The following RTTN variants were observed in gnomAD, a reference collection of about 807,000 sequenced individuals.
The protein encoded by RTTN is rotatin.
Under a neutral mutation model 269.2 loss-of-function variants are expected in RTTN, and 182 were observed. The observed-to-expected ratio is 0.68, with a 90% CI of 0.60 to 0.76. The LOEUF is 0.76. Ranked by LOEUF, RTTN falls within the 30% of genes least tolerant of loss-of-function variation. RTTN has a pLI of 0.00. For missense variants in RTTN, 2,545 were observed against 2,608.6 expected (o/e 0.98, Z 0.53); for synonymous variants, 1,006 against 963.5 (o/e 1.04, Z -0.82).
At chr18:70,027,331 T>C (rs930538609) in intron 43 of RTTN, among the ~76,000 whole-genome samples, 1 of 152,166 alleles carries the variant, frequency 6.6e-6, no homozygotes, top group African/African-American at 2.4e-5. Context: ...AAAGCTGAAA[T>C]TGAAATTAAC....
intron 8 of RTTN, 67 bp downstream of exon 8, chr18:70,193,221 C>A: frequency 1.2e-5 from 14 of 1,184,940 alleles, no homozygotes; most frequent in Non-Finnish European, 1.4e-5. Context: ...TTATCTCCTT[C>A]TGAAATTAAC....
chr18:70,068,858 G>T (rs2058219042), intron 34 of RTTN, among the ~76,000 whole-genome samples: 1 of 152,012 alleles, frequency 6.6e-6, no homozygotes, highest in South Asian at 2.1e-4. Context: ...CCCTCGGTAA[G>T]ACAAAAAAAT....
chr18:70,006,255 A>T (rs2056182783), intron 47 of RTTN, 126 bp downstream of exon 47: 2 of 638,676 alleles, frequency 3.1e-6, no homozygotes, highest in Admixed American at 5.7e-5. Flanking sequence ...GGGAACATGG[A>T]TCTTTGATTT....
chr18:70,140,284 CA>C (rs1183002403), intron 19 of RTTN, 96 bp from the exon 20 acceptor site: 4 of 683,604 alleles, frequency 5.9e-6, no homozygotes, highest in Non-Finnish European at 1.0e-5. Flanking sequence ...ACACAACCTT[CA>C]AACTATTAAA....
At chr18:70,063,931 C>G (rs1195205447) in intron 35 of RTTN, among the ~76,000 whole-genome samples, 1 of 149,074 alleles carries the variant, frequency 6.7e-6, no homozygotes, top group Non-Finnish European at 1.5e-5. Context: ...CTGTTCATGC[C>G]TCCCCTTTCT....
intron 4 of RTTN, 91 bp downstream of exon 4, chr18:70,201,803 T>C: frequency 4.1e-6 from 3 of 738,182 alleles, no homozygotes; most frequent in Non-Finnish European, 6.9e-6. Context: ...ACATTCAAGT[T>C]TGGTAAAAAT....
chr18:70,145,739 C>T lies in RTTN; in HGVS notation c.2354G>A (p.Ser785Asn). The T allele has an allele frequency of 6.2e-7, 1 of 1,613,276 alleles. No individual in the cohort carries two copies. The highest frequency in any genetic ancestry group is 2.2e-5 in the East Asian group (1 of 44,854). The change falls in exon 18 of 49, where the codon AGT becomes AAT. Residue 785 changes from serine to asparagine, a missense_variant. Transcript: ENST00000640769. Reference protein sequence around the residue: ...ALKLLAFHLTSEEGADTKRPL... With the variant: ...ALKLLAFHLTNEEGADTKRPL... ...ACGCTTTGTATCAGCCCCTTCTTCA[C>T]TGGTAAGATGGAATGCTAAAAGCTT...
chr18:70,160,335 C>A (rs2060793548), intron 14 of RTTN, among the ~76,000 whole-genome samples: 3 of 148,538 alleles, frequency 2.0e-5, no homozygotes, highest in African/African-American at 7.3e-5. Flanking sequence ...AGAAAAACCA[C>A]ATGATCATCT....
At chr18:70,017,300 G>T in intron 46 of RTTN, 107 bp downstream of exon 46, 1 of 1,082,108 alleles carries the variant, frequency 9.2e-7, no homozygotes. Context: ...TGAACACAGT[G>T]GGTGCTTAAT....
intron 32 of RTTN, among the ~76,000 whole-genome samples, chr18:70,081,900 C>G (rs534052042): frequency 3.3e-5 from 5 of 151,894 alleles, no homozygotes; most frequent in African/African-American, 7.3e-5. Flanking sequence ...GAAATCCACA[C>G]TTAAGTGTTC....
chr18:70,052,824 A>G (rs1007596991), intron 38 of RTTN, among the ~76,000 whole-genome samples: 1 of 152,064 alleles, frequency 6.6e-6, no homozygotes, highest in Non-Finnish European at 1.5e-5. Flanking sequence ...GCTAGATATG[A>G]GAAAACAATT....
intron 2 of RTTN, 148 bp from the exon 3 acceptor site, chr18:70,204,411 TTCCA>T: frequency 1.5e-6 from 1 of 672,216 alleles, no homozygotes; most frequent in Non-Finnish European, 2.5e-6. Context: ...AGTAAGGCAC[TTCCA>T]TGAGGAGCAC....
intron 28 of RTTN, 76 bp downstream of exon 28, chr18:70,109,422 G>A (rs1000573635): frequency 1.5e-5 from 15 of 1,004,672 alleles, no homozygotes; most frequent in Middle Eastern, 2.2e-4. Context: ...ATAGAGTAAC[G>A]TATAATGCAC....
chr18:70,029,025 A>C (rs1189640560), intron 42 of RTTN, among the ~76,000 whole-genome samples: 1 of 152,190 alleles, frequency 6.6e-6, no homozygotes, highest in East Asian at 1.9e-4. Context: ...TCTATCAAGC[A>C]TGGAGGAACT....
chr18:70,020,878 A>G (rs888505957), intron 44 of RTTN, 61 bp from the exon 45 acceptor site: 4 of 1,386,174 alleles, frequency 2.9e-6, no homozygotes, highest in African/African-American at 2.9e-5. Flanking sequence ...TTTTGAAGAC[A>G]CTAAGTGGCA....
chr18:70,127,741 T>A lies in RTTN; in HGVS notation c.3144A>T (p.Glu1048Asp). Residue 1048 changes from glutamate to aspartate, a missense_variant and splice_region_variant, in exon 25 of 49, where the codon GAA (glutamate) becomes GAT (aspartate). Coordinates refer to ENST00000640769, the MANE Select transcript of RTTN (RefSeq NM_173630.4). ...TAGATAACTTCAATGCATCTAAAAT[T>A]CTAGACAAAAAGAAAAAAAATGAAG... ...KQMNSETKTQ[E>D]ILDALKLSTE... 6.2e-7 allele frequency: 1 copy of A among 1,604,908 alleles called. No individual in the cohort carries two copies. Among genetic ancestry groups the A allele is most frequent in the Non-Finnish European group, 8.5e-7 (1 of 1,174,306 alleles).
chr18:70,059,128 G>T (rs1440171992), intron 36 of RTTN, among the ~76,000 whole-genome samples: 2 of 151,994 alleles, frequency 1.3e-5, no homozygotes, highest in Non-Finnish European at 2.9e-5. Context: ...ACTTAAGGGG[G>T]TATCCTAGAT....
At chr18:70,160,886 A>G (rs2060810078) in intron 14 of RTTN, among the ~76,000 whole-genome samples, 1 of 152,204 alleles carries the variant, frequency 6.6e-6, no homozygotes, top group Non-Finnish European at 1.5e-5. Context: ...GCTTATGAAT[A>G]GGAAGAATCA....
At chr18:70,084,970 G>A (rs1384664892) in intron 32 of RTTN, among the ~76,000 whole-genome samples, 1 of 152,078 alleles carries the variant, frequency 6.6e-6, no homozygotes, top group East Asian at 1.9e-4. Context: ...GCTACATACG[G>A]TTCTGTATTA....
Sources: allele counts gnomAD v4.1 joint callset (sites outside exome capture counted in the v4.1 genomes callset), GRCh38; gene constraint gnomAD v4.1.1; transcripts MANE v1.5; gene names NCBI Gene and HGNC (gene_info 2026-07-23, HGNC 2026-07-21).